PFKFB2: variants seen among roughly 807,000 people sequenced by gnomAD.
PFKFB2 encodes the protein 6-phosphofructo-2-kinase/fructose-2,6-bisphosphatase 2.
A neutral mutation model predicts 68.0 loss-of-function variants in PFKFB2; 53 were observed. The observed-to-expected ratio is 0.78, with a 90% CI of 0.63 to 0.98. The LOEUF (loss-of-function observed/expected upper bound fraction) is 0.98. PFKFB2 is among the 50% of genes least tolerant of loss of function. The pLI, the probability that PFKFB2 is intolerant of heterozygous loss-of-function variation, is 0.00. For synonymous variants in PFKFB2, 222 were observed against 227.6 expected (o/e 0.98, Z 0.22); for missense variants, 451 against 642.0 (o/e 0.70, Z 3.22).
intron 9 of PFKFB2, 66 bp downstream of exon 9, chr1:207,067,772 A>G (rs1224853836): frequency 1.6e-5 from 20 of 1,267,448 alleles, no homozygotes; most frequent in Non-Finnish European, 2.3e-5. Flanking sequence ...CTGAGGTCAT[A>G]TATTTTATCT....
At chr1:207,079,323 A>G, downstream of PFKFB2, 1 of 446,430 alleles carries the variant, frequency 2.2e-6, no homozygotes, top group South Asian at 2.7e-5. Flanking sequence ...ATAGGCATTT[A>G]ACATCCTACC....
chr1:207,043,816 A>G (rs749717522), intron 2 of PFKFB2: 3 of 152,618 alleles, frequency 2.0e-5, no homozygotes, highest in Admixed American at 6.5e-5. Flanking sequence ...TTCAGTGGCC[A>G]TATCTGCCCT....
chr1:207,047,138 A>G (rs1682619153), intron 2 of PFKFB2: 3 of 152,552 alleles, frequency 2.0e-5, no homozygotes, highest in Admixed American at 2.0e-4. Flanking sequence ...GAGATTTTCA[A>G]TCCCATTAAT....
At chr1:207,054,874 AC>A in intron 2 of PFKFB2, 72 bp downstream of exon 2, 1 of 1,044,722 alleles carries the variant, frequency 9.6e-7, no homozygotes, top group Non-Finnish European at 1.5e-6. Flanking sequence ...ATAATCCTGG[AC>A]TCTGCTGCTT....
intron 12 of PFKFB2, 38 bp from the exon 13 acceptor site, chr1:207,071,150 A>G: frequency 1.3e-6 from 2 of 1,545,618 alleles, no homozygotes; most frequent in African/African-American, 2.7e-5. Flanking sequence ...ACTCCATAAT[A>G]CTAAGAGACT....
Position 207,072,365 on chromosome 1 carries a change from C to T in PFKFB2, c.1512C>T (p.Ala504=), listed in dbSNP as rs745746388. The T allele has an allele frequency of 1.6e-5, 25 of 1,612,710 alleles. No homozygotes were observed. Among genetic ancestry groups the T allele is most frequent in the South Asian group, 1.1e-4 (10 of 90,926 alleles). The part of the protein sequence containing the change: ...PLRAQDMQEG[A]D ...GTGCCCAGGACATGCAAGAAGGGGC[C>T]GACTAGCCGAAGACCCAAGTCAGCA... is the stretch of plus-strand genomic sequence containing the variant. Residue 504 remains alanine, a synonymous_variant, in exon 15 of 15, where the codon GCC becomes GCT. Transcript: ENST00000367080.
intron 1 of PFKFB2, among the ~76,000 whole-genome samples, chr1:207,041,073 C>G (rs1397148004): frequency 6.6e-6 from 1 of 151,744 alleles, no homozygotes; most frequent in Non-Finnish European, 1.5e-5. Flanking sequence ...GGACTACAGG[C>G]GCCCGCCACC....
At chr1:207,034,750 C>T (rs1682345715) in intron 1 of PFKFB2, among the ~76,000 whole-genome samples, 1 of 152,142 alleles carries the variant, frequency 6.6e-6, no homozygotes, top group Admixed American at 6.5e-5. Context: ...CCGTACCTAA[C>T]ATCCAGTTCA....
chr1:207,069,335 G>T, intron 10 of PFKFB2, 89 bp from the exon 11 acceptor site: 1 of 873,700 alleles, frequency 1.1e-6, no homozygotes, highest in South Asian at 1.4e-5. Context: ...TAAGAAACTA[G>T]CATTCTTCAA....
chr1:207,054,368 T>C (rs1307693451), intron 1 of PFKFB2, among the ~76,000 whole-genome samples: 1 of 152,140 alleles, frequency 6.6e-6, no homozygotes, highest in Admixed American at 6.5e-5. Context: ...CTTAATTCGA[T>C]GAATCTCAAA....
chr1:207,042,408 C>T (rs751255141), intron 2 of PFKFB2, among the ~76,000 whole-genome samples: 5 of 151,632 alleles, frequency 3.3e-5, no homozygotes, highest in East Asian at 3.9e-4. Context: ...ATTAGCTGGG[C>T]GTGGTGGTGG....
rs1239250425 is a variant in PFKFB2 at position 207,071,236 on chromosome 1, C to A, written c.1271C>A (p.Thr424Asn). Residue 424 changes from threonine to asparagine, a missense_variant, in exon 13 of 15, where the codon ACT becomes AAT. By Grantham distance (65) the Thr-to-Asn change is moderately conservative. Coordinates refer to ENST00000367080, the MANE Select transcript of PFKFB2 (RefSeq NM_006212.2). ...CCTCTCCATACCATCTTCAAACTTA[C>A]TCCTGTGGCCTATGGTAACTATGCA... ...RCPLHTIFKL[T>N]PVAYGCKVET... 2 of 1,613,318 alleles carry A rather than the reference C, an allele frequency of 1.2e-6. No homozygotes were observed. Among genetic ancestry groups the A allele is most frequent in the South Asian group, 2.2e-5 (2 of 91,082 alleles).
Position 207,072,451 on chromosome 1 carries a change from A to G in PFKFB2, c.*80A>G. 1 of 1,532,238 alleles carries G rather than the reference A, an allele frequency of 6.5e-7. No individual in the cohort carries two copies. Among genetic ancestry groups the G allele is most frequent in the Non-Finnish European group, 8.8e-7 (1 of 1,142,770 alleles). 94.9% of individuals were successfully genotyped at this position (1,532,238 alleles called of 1,614,324 possible). ...TGGCCTCCTGCCCTTGTCACTAATC[A>G]CCAAGGAGTCATTAACTTCCTCCCT... On this transcript the variant is annotated 3_prime_UTR_variant, in exon 15 of 15. Transcript: ENST00000367080.
chr1:207,055,829 A>G (rs956371527), intron 2 of PFKFB2, among the ~76,000 whole-genome samples: 10 of 152,136 alleles, frequency 6.6e-5, no homozygotes, highest in Admixed American at 2.6e-4. Flanking sequence ...CCTAGCACCC[A>G]TGGAGCCTGC....
chr1:207,063,912 TG>T lies in PFKFB2; in HGVS notation c.507+84del. The T allele has an allele frequency of 2.0e-5, 20 of 1,011,508 alleles. No individual in the cohort carries two copies. The highest frequency in any genetic ancestry group is 2.8e-5 in the Non-Finnish European group (18 of 637,158). The allele number at this position is 1,011,508 out of a possible 1,614,324, so 62.7% of individuals were successfully genotyped here. A position where few individuals can be genotyped will look rare whatever the true frequency, so the allele number is the denominator to read the frequency against. On this transcript the variant is annotated intron_variant, in intron 7 of 14. Transcript: ENST00000367080. This position sits in a 1 kb window ranked among gnomAD's most constrained non-coding sequence, Gnocchi z 4.1. ...GGGTGTGTGTGTGTGTGTGTGTGTG[TG>T]TGTTGTTGGGGAGGGGTGTTTTCGT...
rs941410708 is a variant in PFKFB2, at chr1:207,070,980, G to C, written c.1223-208G>C. Among the ~76,000 whole-genome samples, 3 of 152,130 alleles carry C rather than the reference G, an allele frequency of 2.0e-5. No homozygotes were observed. The highest frequency in any genetic ancestry group is 4.4e-5 in the Non-Finnish European group (3 of 68,006). Reference sequence around the variant, plus strand: ...ACTTCCTGTTTTTGCCTGCGTGGAAGGATCTAAGATGGCCTTATTTCCTTC... The same window carrying C: ...ACTTCCTGTTTTTGCCTGCGTGGAACGATCTAAGATGGCCTTATTTCCTTC... On this transcript the variant is annotated intron_variant, in intron 12 of 14. Transcript: ENST00000367080. The surrounding 1 kb of genome is among the most constrained non-coding windows in gnomAD (Gnocchi z 4.2).
At chr1:207,051,045 G>T, upstream of PFKFB2, 1 of 1,487,838 alleles carries the variant, frequency 6.7e-7, no homozygotes, top group Non-Finnish European at 8.9e-7. Context: ...AGAAGTTGCG[G>T]GTGGTTGCAG....
At chr1:207,067,035 A>G (rs1683311746) in intron 8 of PFKFB2, among the ~76,000 whole-genome samples, 1 of 152,216 alleles carries the variant, frequency 6.6e-6, no homozygotes, top group South Asian at 2.1e-4. Flanking sequence ...GAGAAGCATG[A>G]TTAGGTAGAT....
rs951657726 is a variant in PFKFB2, at chr1:207,076,247, T to A, written c.*3876T>A. 1.0e-5 allele frequency: 10 copies of A among 976,148 alleles called. No homozygotes were observed. The highest frequency in any genetic ancestry group is 1.2e-5 in the Non-Finnish European group (10 of 821,988). The allele number at this position is 976,148 out of a possible 1,614,324, so 60.5% of individuals were successfully genotyped here. ...AAATAAATTCATCTATGTTACTTTTTTTTTCTTTTTTTTTTTTTTTTATGA... is the reference window on the plus strand; with the variant it reads ...AAATAAATTCATCTATGTTACTTTTATTTTCTTTTTTTTTTTTTTTTATGA... On this transcript the variant is annotated 3_prime_UTR_variant, in exon 15 of 15. Transcript: ENST00000367080.
Sources: gnomAD v4.1 joint callset for allele counts (sites outside exome capture counted in the v4.1 genomes callset) on GRCh38, gnomAD v4.1.1 for gene constraint, Gnocchi (gnomAD v3.1) non-coding constraint, MANE v1.5 for transcripts, NCBI Gene and HGNC (gene_info 2026-07-23, HGNC 2026-07-21) for gene names.